The following CYYR1 variants were observed in gnomAD, a reference collection of about 807,000 sequenced individuals.
CYYR1 encodes cysteine and tyrosine-rich protein 1.
A neutral mutation model predicts 15.2 loss-of-function variants in CYYR1; 14 were observed. That is an observed-to-expected ratio of 0.92 (90% CI 0.61 to 1.44). CYYR1 has a LOEUF of 1.44. Among genes scored for constraint, CYYR1 ranks in the 40% most tolerant of loss-of-function variants. The pLI is 0.00. For synonymous variants in CYYR1, 80 were observed against 77.4 expected (o/e 1.03, Z -0.18); for missense variants, 228 against 209.5 (o/e 1.09, Z -0.54).
In CYYR1 at chr21:26,541,673, C is replaced by T. The variant is rs1287749337; in HGVS notation, c.176+24593G>A. ...AGATAAAAATTCAGATTTTAATTTC[C>T]CTAAAATACTAATGATTGTTTAAAA... On this transcript the variant is annotated intron_variant, in intron 2 of 3. Transcript: ENST00000652641. Among the ~76,000 whole-genome samples the T allele has an allele frequency of 2.6e-5, 4 of 152,124 alleles. No homozygotes were observed. The East Asian group carries it at 7.7e-4, about 29-fold the overall frequency.
At chr21:26,478,801 G>A (rs77963422) in intron 3 of CYYR1, among the ~76,000 whole-genome samples, 3 of 152,004 alleles carry the variant, frequency 2.0e-5, no homozygotes, top group African/African-American at 7.2e-5. Flanking sequence ...ACTTCTCACT[G>A]TGAGAAGTAG....
chr21:26,509,575 C>T (rs2065617807), intron 2 of CYYR1, among the ~76,000 whole-genome samples: 1 of 152,098 alleles, frequency 6.6e-6, no homozygotes, highest in African/African-American at 2.4e-5. Context: ...TGACAACTGG[C>T]CCTCAGATCT....
chr21:26,520,174 G>A (rs568163579), intron 2 of CYYR1, among the ~76,000 whole-genome samples: 15 of 144,842 alleles, frequency 1.0e-4, no homozygotes, highest in South Asian at 2.2e-4. Context: ...ACAGGTATCC[G>A]TGTGCCATGG....
rs1235882126 is a variant in CYYR1, at chr21:26,566,382, A to G, written c.74-14T>C. ...CAAGGCAATCATCTACAAAACAAAA[A>G]CCACTTGTGAGCAGTTATAGTTGTA... is the stretch of plus-strand genomic sequence containing the variant. On this transcript the variant is annotated splice_polypyrimidine_tract_variant and intron_variant, in intron 1 of 3. Coordinates refer to ENST00000652641, the MANE Select transcript of CYYR1 (RefSeq NM_001320768.2). 6.3e-7 allele frequency: 1 copy of G among 1,589,874 alleles called. No homozygotes were observed. Among genetic ancestry groups the G allele is most frequent in the Non-Finnish European group, 8.6e-7 (1 of 1,159,246 alleles).
chr21:26,523,267 C>G (rs1043041585), intron 2 of CYYR1, among the ~76,000 whole-genome samples: 3 of 152,172 alleles, frequency 2.0e-5, no homozygotes, highest in Middle Eastern at 3.2e-3. Context: ...TATTCTGAAT[C>G]TACTCATTTG....
At chr21:26,542,536 C>T (rs1200558769) in intron 2 of CYYR1, among the ~76,000 whole-genome samples, 2 of 152,006 alleles carry the variant, frequency 1.3e-5, no homozygotes, top group Non-Finnish European at 2.9e-5. Context: ...CAATGAAAAA[C>T]ATTACAATTA....
chr21:26,565,927 A>G (rs1324478716), intron 2 of CYYR1, among the ~76,000 whole-genome samples: 2 of 152,212 alleles, frequency 1.3e-5, no homozygotes, highest in Non-Finnish European at 1.5e-5. Context: ...CTTGCACAAA[A>G]CAGACAAAAC....
intron 2 of CYYR1, among the ~76,000 whole-genome samples, chr21:26,541,453 T>A (rs1358128316): frequency 6.6e-6 from 1 of 152,190 alleles, no homozygotes; most frequent in East Asian, 1.9e-4. Context: ...TATGGTGTAA[T>A]GACATCTTTA....
chr21:26,493,790 T>G (rs530369995), intron 2 of CYYR1, among the ~76,000 whole-genome samples: 6 of 152,308 alleles, frequency 3.9e-5, no homozygotes, highest in Non-Finnish European at 7.4e-5. Context: ...CTTTGCTTAC[T>G]GTTGTTGCTT....
rs770545016 is a variant in CYYR1, at chr21:26,572,961, T to C, written c.-21A>G. 6 of 1,613,490 alleles carry C rather than the reference T, an allele frequency of 3.7e-6. No individual in the cohort carries two copies. The highest frequency in any genetic ancestry group is 5.1e-6 in the Non-Finnish European group (6 of 1,179,870). The stretch of plus-strand genomic sequence containing the variant: ...TCCATCCAAGCCGGTGGCCTGAGGC[T>C]TGGAGCGAAGGGAGAGCCCGGAACC... On this transcript the variant is annotated 5_prime_UTR_variant, in exon 1 of 4. Transcript: ENST00000652641.
At chr21:26,515,398 G>A (rs222926) in intron 2 of CYYR1, among the ~76,000 whole-genome samples, 59,605 of 151,084 alleles carry the variant, frequency 0.39, 11,939 homozygotes, top group Middle Eastern at 0.45. Context: ...TCACTTTGTC[G>A]CCCAAGGCTG....
chr21:26,497,937 A>G (rs2065429345), intron 2 of CYYR1, among the ~76,000 whole-genome samples: 1 of 152,124 alleles, frequency 6.6e-6, no homozygotes, highest in Non-Finnish European at 1.5e-5. Context: ...TAAAGTTTGA[A>G]CTGTATGTCT....
chr21:26,504,984 T>G (rs1180389093), intron 2 of CYYR1, among the ~76,000 whole-genome samples: 1 of 152,200 alleles, frequency 6.6e-6, no homozygotes, highest in East Asian at 1.9e-4. Flanking sequence ...GAATACAAAT[T>G]AATACATGGT....
intron 2 of CYYR1, among the ~76,000 whole-genome samples, chr21:26,527,778 A>G (rs1396376448): frequency 6.6e-6 from 1 of 152,194 alleles, no homozygotes; most frequent in Non-Finnish European, 1.5e-5. Flanking sequence ...AGGTCCCGGG[A>G]GAATATTTTG....
At chr21:26,493,719 T>C (rs1601748665) in intron 2 of CYYR1, among the ~76,000 whole-genome samples, 1 of 152,256 alleles carries the variant, frequency 6.6e-6, no homozygotes, top group Non-Finnish European at 1.5e-5. Flanking sequence ...TTCTGACACC[T>C]TGTAGGAAAG....
intron 1 of CYYR1, among the ~76,000 whole-genome samples, chr21:26,570,699 C>A (rs998669603): frequency 6.6e-6 from 1 of 152,166 alleles, no homozygotes; most frequent in African/African-American, 2.4e-5. Flanking sequence ...ATTTTTGTCC[C>A]ACAAAGCTGG....
At chr21:26,570,735 T>G (rs1309087536) in intron 1 of CYYR1, among the ~76,000 whole-genome samples, 1 of 152,240 alleles carries the variant, frequency 6.6e-6, no homozygotes, top group Non-Finnish European at 1.5e-5. Context: ...TATGAACTAT[T>G]TTGACTTCTG....
intron 2 of CYYR1, 28 bp downstream of exon 2, chr21:26,566,238 A>T: frequency 6.6e-7 from 1 of 1,504,354 alleles, no homozygotes; most frequent in East Asian, 2.3e-5. Context: ...GAAGAGCATC[A>T]GTATTGCCAA....
At chr21:26,570,803 C>T (rs1336180322) in intron 1 of CYYR1, among the ~76,000 whole-genome samples, 1 of 152,150 alleles carries the variant, frequency 6.6e-6, no homozygotes, top group African/African-American at 2.4e-5. Flanking sequence ...TAGTTCCAAC[C>T]AAACTGAAAT....
Sources: gnomAD v4.1 joint callset for allele counts (sites outside exome capture counted in the v4.1 genomes callset) on GRCh38, gnomAD v4.1.1 for gene constraint, MANE v1.5 for transcripts, NCBI Gene and HGNC (gene_info 2026-07-23, HGNC 2026-07-21) for gene names.